Variants in CCNT1 observed in about 807,000 individuals in gnomAD.
CCNT1 encodes cyclin T1.
CCNT1 carries 18 observed loss-of-function variants against 67.3 expected under a neutral mutation model. That is an observed-to-expected ratio of 0.27 (90% confidence interval 0.18 to 0.40). CCNT1 has a LOEUF of 0.40. CCNT1 is among the 10% of genes least tolerant of loss of function. The pLI, the probability that CCNT1 is intolerant of heterozygous loss-of-function variation, is 1.00. For synonymous variants in CCNT1, 333 were observed against 310.3 expected (o/e 1.07, Z -0.77); for missense variants, 744 against 884.9 (o/e 0.84, Z 2.02).
intron 6 of CCNT1, among the ~76,000 whole-genome samples, chr12:48,696,857 G>C (rs759399053): frequency 2.4e-4 from 37 of 152,084 alleles, no homozygotes; most frequent in Non-Finnish European, 4.3e-4. Flanking sequence ...TTTAGACAGA[G>C]TCTCTCTCTC....
At position 48,696,133 on chromosome 12, in the gene CCNT1, T is replaced by C; in HGVS notation, c.572A>G (p.Tyr191Cys). 1 of 1,610,788 alleles carries C rather than the reference T, an allele frequency of 6.2e-7. No individual in the cohort carries two copies. Among genetic ancestry groups the C allele is most frequent in the Non-Finnish European group, 8.5e-7 (1 of 1,179,644 alleles). Residue 191 changes from tyrosine (Y) to cysteine (C), a missense_variant, in exon 7 of 9, where the codon TAC (tyrosine) becomes TGC (cysteine). Transcript: ENST00000261900. ...GACACAGGCCACCACAGGAGGTGTG[T>C]ACTGCAGGCTAAATGTGGTCAAATG... ...SLHLTTFSLQYTPPVVACVCI... is the reference protein window; with the variant it reads ...SLHLTTFSLQCTPPVVACVCI...
chr12:48,700,907 C>G (rs1193083233), intron 4 of CCNT1, 106 bp downstream of exon 4: 2 of 651,340 alleles, frequency 3.1e-6, no homozygotes, highest in East Asian at 2.8e-5. Flanking sequence ...CAGAGGGACA[C>G]TACAAAAACT....
At chr12:48,699,869 A>C in intron 4 of CCNT1, 29 bp from the exon 5 acceptor site, 3 of 1,395,874 alleles carry the variant, frequency 2.1e-6, no homozygotes, top group Middle Eastern at 1.8e-4. Context: ...GGATTAAAAA[A>C]CTATTAAGAA....
In CCNT1 at chr12:48,694,226, G is replaced by A. The variant is rs923760801; in HGVS notation, c.988C>T (p.Pro330Ser). Reference sequence around the variant, plus strand: ...TGGGAGGACAGCCAACGCTTGCCCGGCAACATCTCCACACTGGTTAAGTTG... The same window carrying A: ...TGGGAGGACAGCCAACGCTTGCCCGACAACATCTCCACACTGGTTAAGTTG... ...SSNLTSVEML[P>S]GKRWLSSQPS... The change falls in exon 9 of 9, where the codon CCG becomes TCG. Residue 330 changes from proline (P) to serine (S), a missense_variant. This residue lies in a region of CCNT1 where 564 missense variants were observed against 574.2 expected (regional missense o/e 0.98). Coordinates refer to ENST00000261900, the MANE Select transcript of CCNT1 (RefSeq NM_001240.4). 2 of 1,614,164 alleles carry A rather than the reference G, an allele frequency of 1.2e-6. No individual in the cohort carries two copies. The highest frequency in any genetic ancestry group is 1.7e-6 in the Non-Finnish European group (2 of 1,180,014).
chr12:48,713,765 C>T (rs1940492395), intron 2 of CCNT1, among the ~76,000 whole-genome samples: 1 of 152,222 alleles, frequency 6.6e-6, no homozygotes, highest in African/African-American at 2.4e-5. Context: ...CCATGGACAA[C>T]AGGGCAAGAC....
At chr12:48,712,626 A>C (rs1940472905) in intron 2 of CCNT1, among the ~76,000 whole-genome samples, 1 of 137,540 alleles carries the variant, frequency 7.3e-6, no homozygotes, top group South Asian at 2.3e-4. Flanking sequence ...AAAGCAGGGA[A>C]ATACTTGACT....
At chr12:48,710,897 C>T (rs917005102) in intron 2 of CCNT1, among the ~76,000 whole-genome samples, 3 of 152,036 alleles carry the variant, frequency 2.0e-5, no homozygotes, top group Non-Finnish European at 4.4e-5. Flanking sequence ...CCCGTCTCTA[C>T]TAAAAATACA....
chr12:48,702,334 G>A (rs951482873), intron 3 of CCNT1, among the ~76,000 whole-genome samples: 2 of 152,232 alleles, frequency 1.3e-5, no homozygotes, highest in African/African-American at 4.8e-5. Flanking sequence ...AAAAGTAACA[G>A]AAGAGTTCAA....
intron 2 of CCNT1, among the ~76,000 whole-genome samples, chr12:48,712,800 T>A (rs1940475971): frequency 6.6e-6 from 1 of 151,526 alleles, no homozygotes; most frequent in African/African-American, 2.4e-5. Flanking sequence ...ATTAGCCAGG[T>A]GTGGTGGCAC....
intron 2 of CCNT1, among the ~76,000 whole-genome samples, chr12:48,706,288 C>T (rs7976593): frequency 2.0e-5 from 3 of 152,066 alleles, no homozygotes; most frequent in Non-Finnish European, 4.4e-5. Context: ...CCAGGAGCTG[C>T]GGGGAGAGGA....
In CCNT1 at chr12:48,694,207, G is replaced by A. The variant is rs1451341729; in HGVS notation, c.1007C>T (p.Ser336Phe). 4 of 1,614,070 alleles carry A rather than the reference G, an allele frequency of 2.5e-6. No individual in the cohort carries two copies. In the African/African-American group the frequency reaches 4.0e-5, roughly 16 times the overall value. ...TTCTAGTTTGAAAGAAGGTTGGGAG[G>A]ACAGCCAACGCTTGCCCGGCAACAT... ...VEMLPGKRWL[S>F]SQPSFKLEPT... Residue 336 changes from serine (S) to phenylalanine (F), a missense_variant, in exon 9 of 9, where the codon TCC becomes TTC. Around this residue, in one of 3 missense-constraint regions of CCNT1, gnomAD observed 564 missense variants for 574.2 expected, o/e 0.98. Coordinates refer to ENST00000261900, the MANE Select transcript of CCNT1 (RefSeq NM_001240.4).
In CCNT1 at chr12:48,705,571, T is replaced by G. The variant is rs941977381; in HGVS notation, c.372+197A>C. 1.8e-4 allele frequency: 102 copies of G among 565,044 alleles called. 1 individual carries two copies. Among genetic ancestry groups the G allele is most frequent in the Non-Finnish European group, 2.8e-5 (9 of 324,564 alleles). 35.0% of individuals were successfully genotyped at this position (565,044 alleles called of 1,614,324 possible). On this transcript the variant is annotated intron_variant, in intron 3 of 8. Transcript: ENST00000261900. ...TACAGGTATGGTGAGCCACCATACC[T>G]GGCCTGATTTTCTTACTGTTAAGAA...
Position 48,693,460 on chromosome 12 carries a change from A to G in CCNT1, c.1754T>C (p.Phe585Ser), listed in dbSNP as rs1481406209. 6.2e-7 allele frequency: 1 copy of G among 1,614,262 alleles called. No individual in the cohort carries two copies. Among genetic ancestry groups the G allele is most frequent in the Non-Finnish European group, 8.5e-7 (1 of 1,180,040 alleles). The change falls in exon 9 of 9, where the codon TTT becomes TCT. Residue 585 changes from phenylalanine to serine, a missense_variant. Phe to Ser is a radical substitution (Grantham distance 155). This residue lies in a region of CCNT1 where 564 missense variants were observed against 574.2 expected (regional missense o/e 0.98). Transcript: ENST00000261900. Reference sequence around the variant, plus strand: ...CTTGGCAATCTTGGCTGGATGATCAAACACAGCCCCTCCAGTCTCTTCAGA... The same window carrying G: ...CTTGGCAATCTTGGCTGGATGATCAGACACAGCCCCTCCAGTCTCTTCAGA... ...GPSEETGGAV[F>S]DHPAKIAKST... is the part of the protein sequence containing the mutation.
At chr12:48,700,901 G>C (rs1476543249) in intron 4 of CCNT1, 112 bp downstream of exon 4, 2 of 611,818 alleles carry the variant, frequency 3.3e-6, no homozygotes, top group Non-Finnish European at 5.8e-6. Flanking sequence ...TGGAAACAGA[G>C]GGACACTACA....
At chr12:48,701,124 G>T in intron 3 of CCNT1, 51 bp from the exon 4 acceptor site, 1 of 1,004,410 alleles carries the variant, frequency 1.0e-6, no homozygotes, top group Non-Finnish European at 1.5e-6. Context: ...AATATATAAA[G>T]TATAAACAAT....
intron 3 of CCNT1, among the ~76,000 whole-genome samples, chr12:48,703,317 T>C (rs1405226612): frequency 6.6e-6 from 1 of 152,028 alleles, no homozygotes; most frequent in Non-Finnish European, 1.5e-5. Flanking sequence ...CTCACGCCTA[T>C]AATCCCAGCA....
At chr12:48,710,361 G>C (rs1272310146) in intron 2 of CCNT1, among the ~76,000 whole-genome samples, 3 of 152,194 alleles carry the variant, frequency 2.0e-5, no homozygotes, top group Non-Finnish European at 2.9e-5. Flanking sequence ...GAATTAGTAT[G>C]TTAAAAGGTG....
At chr12:48,701,905 CTTTTTT>C (rs1479366514) in intron 3 of CCNT1, among the ~76,000 whole-genome samples, 2 of 148,526 alleles carry the variant, frequency 1.3e-5, no homozygotes, top group African/African-American at 5.0e-5. Context: ...CGCACCCGGC[CTTTTTT>C]TTTGAGAGGG....
In CCNT1 at chr12:48,692,834, G is replaced by A. The variant is rs1013930325; in HGVS notation, c.*199C>T. 9.5e-6 allele frequency: 5 copies of A among 526,664 alleles called. No homozygotes were observed. Among genetic ancestry groups the A allele is most frequent in the African/African-American group, 5.7e-5 (3 of 52,884 alleles). The allele number at this position is 526,664 out of a possible 1,614,324, so 32.6% of individuals were successfully genotyped here. On this transcript the variant is annotated 3_prime_UTR_variant, in exon 9 of 9. Coordinates refer to ENST00000261900, the MANE Select transcript of CCNT1 (RefSeq NM_001240.4). The stretch of plus-strand genomic sequence containing the variant: ...CACCTCTCTAATACCAGTAAAAACT[G>A]TAAGAAAATAGTTAAATGCATGAGA...
Sources: allele counts gnomAD v4.1 joint callset (sites outside exome capture counted in the v4.1 genomes callset), GRCh38; gene constraint gnomAD v4.1.1; regional missense constraint gnomAD v4.1.1; transcripts MANE v1.5; gene names NCBI Gene and HGNC (gene_info 2026-07-23, HGNC 2026-07-21).